The following ARK2C variants were observed in gnomAD, a reference collection of about 807,000 sequenced individuals.
The protein encoded by ARK2C is E3 ubiquitin-protein ligase ARK2C.
At chr18:46,400,958 G>A in the ARK2C span, among the ~76,000 whole-genome samples, 1 of 152,148 alleles carries the variant, frequency 6.6e-6, no homozygotes, top group Admixed American at 6.5e-5. Flanking sequence ...TGGGATACGG[G>A]GAACATGAAG....
At chr18:46,406,696 T>C in the ARK2C span, among the ~76,000 whole-genome samples, 1 of 152,330 alleles carries the variant, frequency 6.6e-6, no homozygotes, top group East Asian at 1.9e-4. Context: ...ACATGTGGGC[T>C]CACAGTGTAC....
the ARK2C span, among the ~76,000 whole-genome samples, chr18:46,377,858 G>A: frequency 0.16 from 25,003 of 152,110 alleles, 2,597 homozygotes; most frequent in East Asian, 0.24. Context: ...TGATGCTCAG[G>A]TAACCATGTC....
the ARK2C span, chr18:46,458,910 T>C: frequency 6.6e-6 from 1 of 152,258 alleles, no homozygotes; most frequent in African/African-American, 2.4e-5. Context: ...CTCCAGTGTA[T>C]GAAAATGTCT....
chr18:46,366,775 C>T, the ARK2C span, among the ~76,000 whole-genome samples: 2 of 152,230 alleles, frequency 1.3e-5, no homozygotes, highest in African/African-American at 4.8e-5. Flanking sequence ...TATTCATTCA[C>T]ATGCTCATTC....
At chr18:46,369,968 C>A in the ARK2C span, among the ~76,000 whole-genome samples, 1,293 of 152,248 alleles carry the variant, frequency 8.5e-3, 9 homozygotes, top group East Asian at 0.052. Flanking sequence ...CACACATGCA[C>A]ACACACGCAC....
the ARK2C span, among the ~76,000 whole-genome samples, chr18:46,410,444 A>G: frequency 6.6e-6 from 1 of 152,332 alleles, no homozygotes; most frequent in South Asian, 2.1e-4. Flanking sequence ...TGTGTGAAGG[A>G]CTGAACCCGT....
At chr18:46,427,392 A>G in the ARK2C span, among the ~76,000 whole-genome samples, 1 of 152,164 alleles carries the variant, frequency 6.6e-6, no homozygotes, top group African/African-American at 2.4e-5. Context: ...GAGGCTCCAG[A>G]GAAACCTGAA....
At chr18:46,338,359 C>T in the ARK2C span, among the ~76,000 whole-genome samples, 2 of 152,356 alleles carry the variant, frequency 1.3e-5, no homozygotes, top group South Asian at 4.1e-4. Flanking sequence ...TATCCAGGGC[C>T]AGCAGCGGAC....
the ARK2C span, chr18:46,459,952 C>T: frequency 6.6e-6 from 1 of 152,634 alleles, no homozygotes; most frequent in African/African-American, 2.4e-5. Flanking sequence ...AGCTGTGCCG[C>T]CGCGGGTCCA....
At chr18:46,422,357 C>G in the ARK2C span, among the ~76,000 whole-genome samples, 104,605 of 152,138 alleles carry the variant, frequency 0.69, 37,767 homozygotes, top group Middle Eastern at 0.82. Context: ...ATCCGAATTT[C>G]TCCCAGGCTA....
At chr18:46,360,508 G>A in the ARK2C span, among the ~76,000 whole-genome samples, 2 of 152,240 alleles carry the variant, frequency 1.3e-5, no homozygotes, top group Non-Finnish European at 2.9e-5. Context: ...TGGAGGCCCA[G>A]GTTGCTTGTG....
the ARK2C span, among the ~76,000 whole-genome samples, chr18:46,381,841 A>T: frequency 2.0e-5 from 3 of 151,222 alleles, no homozygotes; most frequent in Non-Finnish European, 4.4e-5. Context: ...AAAAAAAAAA[A>T]GATGCTTAGG....
chr18:46,379,311 C>G, the ARK2C span, among the ~76,000 whole-genome samples: 6 of 152,324 alleles, frequency 3.9e-5, no homozygotes, highest in South Asian at 2.1e-4. Flanking sequence ...AACACAAAAC[C>G]CTCTCCTTAA....
At chr18:46,391,287 G>A in the ARK2C span, among the ~76,000 whole-genome samples, 2 of 152,196 alleles carry the variant, frequency 1.3e-5, no homozygotes, top group Non-Finnish European at 2.9e-5. Context: ...CCTGTAGCGG[G>A]TGACCTGGGG....
chr18:46,383,745 G>A, the ARK2C span, among the ~76,000 whole-genome samples: 41 of 152,168 alleles, frequency 2.7e-4, no homozygotes, highest in African/African-American at 6.7e-4. Context: ...TAATACAGAC[G>A]GGGTTTCACC....
chr18:46,364,488 A>C, the ARK2C span, among the ~76,000 whole-genome samples: 2 of 151,958 alleles, frequency 1.3e-5, no homozygotes, highest in African/African-American at 2.4e-5. Context: ...TCCCCAGAGA[A>C]CCCTTCGTGA....
the ARK2C span, chr18:46,433,078 A>C: frequency 1.4e-6 from 1 of 712,982 alleles, no homozygotes; most frequent in Non-Finnish European, 2.3e-6. Context: ...GCTGTGTCCT[A>C]ATGTAGGTCT....
chr18:46,400,793 A>G, the ARK2C span, among the ~76,000 whole-genome samples: 1 of 152,126 alleles, frequency 6.6e-6, no homozygotes, highest in Non-Finnish European at 1.5e-5. Context: ...CTAATGGCAA[A>G]ATCCTGCCAT....
chr18:46,383,404 T>C, the ARK2C span, among the ~76,000 whole-genome samples: 154 of 152,350 alleles, frequency 1.0e-3, no homozygotes, highest in African/African-American at 3.6e-3. Context: ...ATAAAATATG[T>C]ATACACACAC....
Sources: allele counts gnomAD v4.1 joint callset (sites outside exome capture counted in the v4.1 genomes callset), GRCh38; gene constraint gnomAD v4.1.1; transcripts MANE v1.5; gene names NCBI Gene and HGNC (gene_info 2026-07-23, HGNC 2026-07-21).